Variants in SEPTIN9 observed in about 807,000 individuals in gnomAD.
SEPTIN9 encodes septin 9.
Under a neutral mutation model 56.6 loss-of-function variants are expected in SEPTIN9, and 13 were observed. The observed-to-expected ratio is 0.23, with a 90% confidence interval of 0.15 to 0.37. The LOEUF (loss-of-function observed/expected upper bound fraction) is 0.37. SEPTIN9 is among the 10% of genes least tolerant of loss of function. The pLI is 1.00. For synonymous variants in SEPTIN9, 332 were observed against 334.1 expected, an observed-to-expected ratio of 0.99 and a Z score of 0.07; for missense variants, 650 against 823.1, an observed-to-expected ratio of 0.79 and a Z score of 2.57.
In SEPTIN9 at chr17:77,433,014, GCT is replaced by G. The variant is rs2037203225; in HGVS notation, c.721+30312_721+30313del. Among the ~76,000 whole-genome samples, 1 of 152,236 alleles carries G rather than the reference GCT, an allele frequency of 6.6e-6. No homozygotes were observed. The highest frequency in any genetic ancestry group is 2.4e-5 in the African/African-American group (1 of 41,468). On this transcript the variant is annotated intron_variant, in intron 3 of 11. Coordinates refer to ENST00000427177, the MANE Select transcript of SEPTIN9 (RefSeq NM_001113491.2). This position sits in a 1 kb window ranked among gnomAD's most constrained non-coding sequence, Gnocchi z 6.4. ...GAGAATCCCCTGTCGCCGTGGCGGG[GCT>G]GTTCCCTCCTGCCCCTCCCCTCCCG...
In SEPTIN9 at chr17:77,405,133, G is replaced by A. The variant is rs1207300526; in HGVS notation, c.721+2430G>A. ...GCACAGGGACGTGGTCCTGGCTCTG[G>A]GGGACAGGTAGGGGGATGTCCATGG... On this transcript the variant is annotated intron_variant, in intron 3 of 11. Coordinates refer to ENST00000427177, the MANE Select transcript of SEPTIN9 (RefSeq NM_001113491.2). The surrounding 1 kb of genome is among the most constrained non-coding windows in gnomAD (Gnocchi z 5.8). The A allele has an allele frequency of 6.5e-7, 1 of 1,535,212 alleles. No individual in the cohort carries two copies. The highest frequency in any genetic ancestry group is 8.7e-7 in the Non-Finnish European group (1 of 1,146,502).
chr17:77,485,178 G>A (rs1568112795), intron 4 of SEPTIN9, among the ~76,000 whole-genome samples: 4 of 150,972 alleles, frequency 2.6e-5, no homozygotes, highest in African/African-American at 9.8e-5. Flanking sequence ...TGTGGGTGAT[G>A]GTGATTGTGG....
chr17:77,359,400 T>G (rs150518274), intron 2 of SEPTIN9, among the ~76,000 whole-genome samples: 1 of 152,314 alleles, frequency 6.6e-6, no homozygotes, highest in East Asian at 1.9e-4. Context: ...TGCACTGTGC[T>G]TAAGGGGCAA....
chr17:77,413,899 A>G (rs2036391711), intron 3 of SEPTIN9, among the ~76,000 whole-genome samples: 1 of 150,760 alleles, frequency 6.6e-6, no homozygotes, highest in African/African-American at 2.4e-5. Context: ...TCCGTGATGG[A>G]ATTCTTACCT....
chr17:77,432,753 T>C (rs779900267), intron 3 of SEPTIN9, among the ~76,000 whole-genome samples: 2 of 152,254 alleles, frequency 1.3e-5, no homozygotes, highest in African/African-American at 2.4e-5. Context: ...GAGAATATTC[T>C]TGGATTTCAG....
At chr17:77,303,788 C>T (rs10852782) in intron 1 of SEPTIN9, among the ~76,000 whole-genome samples, 135,507 of 152,074 alleles carry the variant, frequency 0.89, 60,550 homozygotes, top group East Asian at 0.99. Context: ...TGACTCGGAA[C>T]AACCTATGAG....
intron 3 of SEPTIN9, among the ~76,000 whole-genome samples, chr17:77,404,647 G>A (rs2036004485): frequency 6.6e-6 from 1 of 152,152 alleles, no homozygotes; most frequent in Admixed American, 6.5e-5. Context: ...GGGGAGACCA[G>A]TGCTCCTCAT....
At chr17:77,452,600 C>T (rs199993327) in intron 3 of SEPTIN9, among the ~76,000 whole-genome samples, 2 of 152,010 alleles carry the variant, frequency 1.3e-5, no homozygotes, top group Admixed American at 6.6e-5. Context: ...CAGGTCTGTT[C>T]GGGGCTGTGG....
intron 1 of SEPTIN9, among the ~76,000 whole-genome samples, chr17:77,298,926 G>T (rs747007339): frequency 9.9e-5 from 15 of 152,168 alleles, no homozygotes; most frequent in Non-Finnish European, 1.5e-4. Context: ...TGATTCTCTC[G>T]CCTCAGCCTC....
chr17:77,486,285 G>A (rs1237945205), intron 4 of SEPTIN9, among the ~76,000 whole-genome samples: 1 of 151,308 alleles, frequency 6.6e-6, no homozygotes, highest in Admixed American at 6.6e-5. Context: ...ACATTTTGAT[G>A]TAGAGACAGG....
chr17:77,352,168 C>T (rs113609841), intron 2 of SEPTIN9, among the ~76,000 whole-genome samples: 280 of 151,060 alleles, frequency 1.9e-3, no homozygotes, highest in South Asian at 0.011. Flanking sequence ...GAGGCCGAGG[C>T]GGTTGGATCA....
At chr17:77,365,684 G>C (rs2034550536) in intron 2 of SEPTIN9, among the ~76,000 whole-genome samples, 1 of 152,086 alleles carries the variant, frequency 6.6e-6, no homozygotes, top group Non-Finnish European at 1.5e-5. Flanking sequence ...TTCCCGGGTT[G>C]CCAGGCCGCC....
At chr17:77,422,427 G>T (rs1329303047) in intron 3 of SEPTIN9, among the ~76,000 whole-genome samples, 1 of 152,222 alleles carries the variant, frequency 6.6e-6, no homozygotes, top group Non-Finnish European at 1.5e-5. Flanking sequence ...CAGCGAATGG[G>T]GAGGGGAGCT....
intron 2 of SEPTIN9, among the ~76,000 whole-genome samples, chr17:77,316,298 C>T (rs755459467): frequency 9.2e-5 from 14 of 152,334 alleles, no homozygotes; most frequent in Non-Finnish European, 1.3e-4. Context: ...CCTCTGCACT[C>T]GCCTCCCAGC....
rs1309742132 is a variant in SEPTIN9 at position 77,451,056 on chromosome 17, C to T, written c.722-31088C>T. On this transcript the variant is annotated intron_variant, in intron 3 of 11. Coordinates refer to ENST00000427177, the MANE Select transcript of SEPTIN9 (RefSeq NM_001113491.2). The surrounding 1 kb of genome is among the most constrained non-coding windows in gnomAD (Gnocchi z 4.2). The stretch of plus-strand genomic sequence containing the variant: ...GAGGGTGTCCAGGTCAGTTTCAGGA[C>T]CTGGCTGAGAGGAGGGGGCTCCTCA... The T allele has an allele frequency of 6.4e-6, 1 of 156,042 alleles. No individual in the cohort carries two copies. The highest frequency in any genetic ancestry group is 1.4e-5 in the Non-Finnish European group (1 of 71,660). 9.7% of individuals were successfully genotyped at this position (156,042 alleles called of 1,614,324 possible).
At chr17:77,309,364 G>A (rs565335343) in intron 2 of SEPTIN9, among the ~76,000 whole-genome samples, 59 of 152,350 alleles carry the variant, frequency 3.9e-4, no homozygotes, top group Non-Finnish European at 6.6e-4. Context: ...GACACACGGG[G>A]TCCTCCCTCT....
intron 2 of SEPTIN9, among the ~76,000 whole-genome samples, chr17:77,341,737 T>C (rs2033732520): frequency 7.3e-6 from 1 of 137,232 alleles, no homozygotes; most frequent in African/African-American, 2.7e-5. Context: ...ATCACACCAC[T>C]GCACTCCACT....
chr17:77,423,274 G>T (rs1474226094), intron 3 of SEPTIN9, among the ~76,000 whole-genome samples: 1 of 152,136 alleles, frequency 6.6e-6, no homozygotes, highest in East Asian at 1.9e-4. Flanking sequence ...GGCCTCAAGC[G>T]ATCCGCCCGC....
intron 2 of SEPTIN9, chr17:77,373,142 C>T (rs1320083928): frequency 1.0e-5 from 10 of 998,920 alleles, no homozygotes; most frequent in Admixed American, 5.7e-5. Flanking sequence ...GGGGGCGCTC[C>T]GGTCGTGTGC....
Sources: allele counts gnomAD v4.1 joint callset (sites outside exome capture counted in the v4.1 genomes callset), GRCh38; gene constraint gnomAD v4.1.1; non-coding constraint Gnocchi (gnomAD v3.1); transcripts MANE v1.5; gene names NCBI Gene and HGNC (gene_info 2026-07-23, HGNC 2026-07-21).